The following RANGAP1 variants were observed in gnomAD, a reference collection of about 807,000 sequenced individuals.
RANGAP1 encodes the protein Ran GTPase activating protein 1.
In RANGAP1, 38 loss-of-function variants were observed where a neutral mutation model predicts 63.5. That is an observed-to-expected ratio of 0.60 (90% CI 0.46 to 0.78). The LOEUF is 0.78. Ranked by LOEUF, RANGAP1 falls within the 30% of genes least tolerant of loss-of-function variation. RANGAP1 has a pLI of 0.00. For missense variants in RANGAP1, 630 were observed against 740.3 expected (o/e 0.85, Z 1.73); for synonymous variants, 329 against 310.5 (o/e 1.06, Z -0.63).
rs750098772 is a variant in RANGAP1, at chr22:41,246,663, G to A, written c.1704C>T (p.Ser568=). ...LLLAFVTKPN[S]ALESCSFARH... is the part of the protein sequence containing the mutation. ...GGGCGAAGGAGCAGGATTCCAGGGC[G>A]CTGTTGGGCCTGCGGGGAAAGAGGG... is the stretch of plus-strand genomic sequence containing the variant. The change falls in exon 16 of 16, where the codon AGC becomes AGT. Residue 568 remains serine, a synonymous_variant. Coordinates refer to ENST00000356244, the MANE Select transcript of RANGAP1 (RefSeq NM_002883.4). 13 of 1,563,190 alleles carry A rather than the reference G, an allele frequency of 8.3e-6. No homozygotes were observed. Among genetic ancestry groups the A allele is most frequent in the Middle Eastern group, 1.7e-4 (1 of 6,012 alleles).
At chr22:41,291,169 C>T (rs2035834053), upstream of RANGAP1, among the ~76,000 whole-genome samples, 1 of 152,214 alleles carries the variant, frequency 6.6e-6, no homozygotes, top group African/African-American at 2.4e-5. Context: ...GGCACTGTTC[C>T]AGCTCCTGAA....
rs571627380 is a variant in RANGAP1, at chr22:41,273,137, T to C, written c.240+1463A>G. 5.3e-5 allele frequency among the ~76,000 whole-genome samples: 8 copies of C among 152,208 alleles called. No homozygotes were observed. In the South Asian group the frequency reaches 1.7e-3, roughly 32 times the overall value. On this transcript the variant is annotated intron_variant, in intron 3 of 15. Transcript: ENST00000356244. The stretch of plus-strand genomic sequence containing the variant: ...TGAGCCCCTCTGAGCCTCAGTTCCC[T>C]TGACTTATAAATGGAGACTCAACCC...
chr22:41,265,496 A>G (rs1164759047), intron 4 of RANGAP1, among the ~76,000 whole-genome samples: 1 of 152,170 alleles, frequency 6.6e-6, no homozygotes, highest in Non-Finnish European at 1.5e-5. Flanking sequence ...CTGTTCATGG[A>G]GCAGGGGACA....
At chr22:41,249,538 T>G in intron 14 of RANGAP1, 87 bp from the exon 15 acceptor site, 1 of 1,581,152 alleles carries the variant, frequency 6.3e-7, no homozygotes, top group Non-Finnish European at 8.6e-7. Context: ...CTGCTGATAG[T>G]GCCCACAACT....
chr22:41,280,582 A>T (rs2035439217), intron 2 of RANGAP1: 1 of 1,082,342 alleles, frequency 9.2e-7, no homozygotes, highest in South Asian at 1.3e-5. Flanking sequence ...GCCTGGGATC[A>T]TGGGGGTTAA....
At chr22:41,260,693 A>C (rs1252437560) in intron 6 of RANGAP1, among the ~76,000 whole-genome samples, 1 of 152,174 alleles carries the variant, frequency 6.6e-6, no homozygotes, top group Non-Finnish European at 1.5e-5. Context: ...ATAAAAATAC[A>C]AAAATTAGCC....
At chr22:41,287,256 G>C (rs1186620730), upstream of RANGAP1, among the ~76,000 whole-genome samples, 4 of 152,098 alleles carry the variant, frequency 2.6e-5, no homozygotes, top group African/African-American at 7.2e-5. Flanking sequence ...AGAAAGCAGA[G>C]ACACAAATGT....
the RANGAP1 span, among the ~76,000 whole-genome samples, chr22:41,297,195 G>A: frequency 2.6e-5 from 4 of 152,286 alleles, no homozygotes; most frequent in Admixed American, 2.6e-4. Context: ...CTGGACAACA[G>A]AGCAAGACTC....
At chr22:41,270,273 T>C (rs992752580) in intron 3 of RANGAP1, among the ~76,000 whole-genome samples, 1 of 152,262 alleles carries the variant, frequency 6.6e-6, no homozygotes, top group South Asian at 2.1e-4. Flanking sequence ...CCAGAGTAGA[T>C]GGGATTACAG....
Position 41,256,717 on chromosome 22 carries a change from C to G in RANGAP1, c.882G>C (p.Lys294Asn), listed in dbSNP as rs1411472389. The G allele has an allele frequency of 3.1e-6, 5 of 1,613,704 alleles. No individual in the cohort carries two copies. Among genetic ancestry groups the G allele is most frequent in the African/African-American group, 1.3e-5 (1 of 74,944 alleles). The change falls in exon 8 of 16, where the codon AAG becomes AAC. Residue 294 changes from lysine (K) to asparagine (N), a missense_variant. Coordinates refer to ENST00000356244, the MANE Select transcript of RANGAP1 (RefSeq NM_002883.4). The stretch of plus-strand genomic sequence containing the variant: ...CAGGCGTCCAGGCTGGCACCTTTAG[C>G]TTGGGCAGGCCGCCGCGGATGGCAT... ...IADAIRGGLP[K>N]LKELNLSFCE...
chr22:41,301,060 T>C, the RANGAP1 span, among the ~76,000 whole-genome samples: 2 of 152,152 alleles, frequency 1.3e-5, no homozygotes, highest in African/African-American at 4.8e-5. Context: ...AAAGTCGGCC[T>C]TGTAGTCTTT....
chr22:41,264,424 T>G (rs1601643729), intron 5 of RANGAP1, among the ~76,000 whole-genome samples: 1 of 152,172 alleles, frequency 6.6e-6, no homozygotes. Context: ...CTGGAGCAGG[T>G]ATGCAGTGGC....
At chr22:41,277,085 T>TC (rs2035193004) in intron 2 of RANGAP1, among the ~76,000 whole-genome samples, 1 of 134,626 alleles carries the variant, frequency 7.4e-6, no homozygotes, top group African/African-American at 2.8e-5. Context: ...TTTTTTTTTT[T>TC]TTTTTTTTTT....
At position 41,281,099 on chromosome 22, in the gene RANGAP1, T is replaced by C; in HGVS notation, c.-38-17A>G. ...ATCTGCAGACTGAGGAGGCCAAAGT[T>C]GCAGTAAGAAAAAGGAGTCTCCTGG... is the stretch of plus-strand genomic sequence containing the variant. On this transcript the variant is annotated splice_polypyrimidine_tract_variant and intron_variant, in intron 1 of 15. Coordinates refer to ENST00000356244, the MANE Select transcript of RANGAP1 (RefSeq NM_002883.4). 6.6e-7 allele frequency: 1 copy of C among 1,522,024 alleles called. No individual in the cohort carries two copies. The highest frequency in any genetic ancestry group is 2.2e-5 in the Admixed American group (1 of 46,320). 94.3% of individuals were successfully genotyped at this position (1,522,024 alleles called of 1,614,324 possible).
the RANGAP1 span, among the ~76,000 whole-genome samples, chr22:41,300,623 C>A: frequency 6.6e-6 from 1 of 150,444 alleles, no homozygotes; most frequent in Non-Finnish European, 1.5e-5. Flanking sequence ...AGGCACCCAC[C>A]ACCACGCCTG....
Position 41,281,241 on chromosome 22 carries a change from AG to A in RANGAP1, c.-38-160del, listed in dbSNP as rs1332541409. 2.3e-4 allele frequency: 213 copies of A among 943,586 alleles called. 1 individual carries two copies. The East Asian group carries it at 5.8e-3, about 25-fold the overall frequency. The allele number at this position is 943,586 out of a possible 1,614,324, so 58.5% of individuals were successfully genotyped here. A position where few individuals can be genotyped will look rare whatever the true frequency, so the allele number is the denominator to read the frequency against. On this transcript the variant is annotated intron_variant, in intron 1 of 15. Transcript: ENST00000356244. Reference sequence around the variant, plus strand: ...GAAGAAAGGAAAACAGCATCAGAGAAGGAACAGTTCTAGAAGGTGCAGGAGG... The same window carrying A: ...GAAGAAAGGAAAACAGCATCAGAGAAGAACAGTTCTAGAAGGTGCAGGAGG...
Position 41,254,294 on chromosome 22 carries a change from T to C in RANGAP1, c.1260+14A>G, listed in dbSNP as rs1272287881. 1 of 1,613,880 alleles carries C rather than the reference T, an allele frequency of 6.2e-7. No individual in the cohort carries two copies. Among genetic ancestry groups the C allele is most frequent in the African/African-American group, 1.3e-5 (1 of 74,890 alleles). On this transcript the variant is annotated intron_variant, in intron 11 of 15. Transcript: ENST00000356244. Reference sequence around the variant, plus strand: ...GGACCAGGGCTCTGATTGTGGCAGATGATAGAAACTCACCCCAGTGTTAGG... The same window carrying C: ...GGACCAGGGCTCTGATTGTGGCAGACGATAGAAACTCACCCCAGTGTTAGG...
chr22:41,300,007 T>A, the RANGAP1 span, among the ~76,000 whole-genome samples: 1 of 151,988 alleles, frequency 6.6e-6, no homozygotes, highest in Admixed American at 6.6e-5. Flanking sequence ...CGCCTCAACC[T>A]CCCAAAGTGC....
chr22:41,281,521 T>C, intron 1 of RANGAP1: 1 of 990,668 alleles, frequency 1.0e-6, no homozygotes. Flanking sequence ...CACAGATGGC[T>C]ATGGGATCCA....
Sources: allele counts gnomAD v4.1 joint callset (sites outside exome capture counted in the v4.1 genomes callset), GRCh38; gene constraint gnomAD v4.1.1; transcripts MANE v1.5; gene names NCBI Gene and HGNC (gene_info 2026-07-23, HGNC 2026-07-21).